Variants in CENPW observed in about 807,000 individuals in gnomAD.
CENPW encodes cancer-up-regulated gene 2 protein.
CENPW carries 3 observed loss-of-function variants against 11.1 expected under a neutral mutation model. That is an observed-to-expected ratio of 0.27 (90% confidence interval 0.12 to 0.70). The LOEUF (loss-of-function observed/expected upper bound fraction) is 0.70, where lower values mean the gene tolerates loss of function less well. Among genes scored for constraint, CENPW ranks in the 30% least tolerant of loss-of-function variants. CENPW has a pLI of 0.77. For synonymous variants in CENPW, 38 were observed against 42.0 expected (o/e 0.91, Z 0.37); for missense variants, 100 against 105.6 (o/e 0.95, Z 0.23).
chr6:126,449,912 G>A, the CENPW span, among the ~76,000 whole-genome samples: 4 of 150,998 alleles, frequency 2.6e-5, no homozygotes, highest in Admixed American at 6.6e-5. Flanking sequence ...AAAAATGATT[G>A]AATATTAACA....
the CENPW span, among the ~76,000 whole-genome samples, chr6:126,356,549 C>T: frequency 6.6e-6 from 1 of 152,144 alleles, no homozygotes; most frequent in Non-Finnish European, 1.5e-5. Flanking sequence ...AATTTACATT[C>T]CCATCAATTG....
the CENPW span, among the ~76,000 whole-genome samples, chr6:126,440,000 T>C: frequency 0.016 from 2,368 of 151,786 alleles, 28 homozygotes; most frequent in Middle Eastern, 0.041. Flanking sequence ...CAAACAGAAT[T>C]ATGAAATGTC....
At chr6:126,452,857 CAAAG>C in the CENPW span, among the ~76,000 whole-genome samples, 62 of 150,942 alleles carry the variant, frequency 4.1e-4, no homozygotes, top group African/African-American at 1.5e-3. Context: ...AAGCTAAAGA[CAAAG>C]AAAAATTATT....
chr6:126,437,793 G>A, the CENPW span, among the ~76,000 whole-genome samples: 1 of 151,598 alleles, frequency 6.6e-6, no homozygotes, highest in Non-Finnish European at 1.5e-5. Context: ...ACATTTTCTA[G>A]TGTTGAGTGT....
chr6:126,403,422 T>A, the CENPW span, among the ~76,000 whole-genome samples: 1 of 152,040 alleles, frequency 6.6e-6, no homozygotes, highest in African/African-American at 2.4e-5. Context: ...AATTAAAAAG[T>A]GCAAGGAAGC....
chr6:126,372,452 G>A, the CENPW span, among the ~76,000 whole-genome samples: 2 of 151,920 alleles, frequency 1.3e-5, no homozygotes, highest in Admixed American at 6.6e-5. Flanking sequence ...AATAATACTT[G>A]CGATCTCAGT....
chr6:126,358,740 G>T, the CENPW span, among the ~76,000 whole-genome samples: 1 of 151,994 alleles, frequency 6.6e-6, no homozygotes, highest in Non-Finnish European at 1.5e-5. Flanking sequence ...TTAGGGAGAA[G>T]CCCCTTCTCC....
the CENPW span, among the ~76,000 whole-genome samples, chr6:126,371,331 G>T: frequency 7.6e-3 from 1,156 of 151,980 alleles, 15 homozygotes; most frequent in African/African-American, 0.026. Flanking sequence ...TTTTTTCTGC[G>T]TCTATTGATA....
At chr6:126,482,214 T>C in the CENPW span, among the ~76,000 whole-genome samples, 1 of 152,038 alleles carries the variant, frequency 6.6e-6, no homozygotes. Flanking sequence ...ATTTTCCCAG[T>C]GCAACATTTC....
the CENPW span, among the ~76,000 whole-genome samples, chr6:126,462,558 A>ACACACACG: frequency 6.0e-5 from 9 of 149,368 alleles, no homozygotes; most frequent in African/African-American, 2.2e-4. Context: ...ACACACACAC[A>ACACACACG]CGCATCTTCT....
At chr6:126,352,205 C>T (rs1277822675), downstream of CENPW, among the ~76,000 whole-genome samples, 8 of 152,132 alleles carry the variant, frequency 5.3e-5, no homozygotes, top group African/African-American at 1.9e-4. Flanking sequence ...TTTCTTACTA[C>T]AACTTAGGGT....
chr6:126,341,345 AG>A (rs1449046449), intron 1 of CENPW, among the ~76,000 whole-genome samples: 33 of 152,278 alleles, frequency 2.2e-4, no homozygotes, highest in African/African-American at 7.5e-4. Context: ...GGATAATAAG[AG>A]CATACTGCAT....
chr6:126,435,432 C>A, the CENPW span, among the ~76,000 whole-genome samples: 1 of 151,478 alleles, frequency 6.6e-6, no homozygotes, highest in Non-Finnish European at 1.5e-5. Context: ...ATTGATATAT[C>A]TTTTGTTTTT....
chr6:126,451,382 G>C, the CENPW span, among the ~76,000 whole-genome samples: 2 of 151,012 alleles, frequency 1.3e-5, no homozygotes, highest in East Asian at 3.9e-4. Context: ...TTCTCCCATT[G>C]GTGTTCTCTG....
intron 1 of CENPW, among the ~76,000 whole-genome samples, chr6:126,341,121 C>T (rs891971899): frequency 2.6e-5 from 4 of 152,100 alleles, no homozygotes; most frequent in Non-Finnish European, 5.9e-5. Context: ...ATAAGAAGCC[C>T]CAATCAAACC....
the CENPW span, among the ~76,000 whole-genome samples, chr6:126,354,205 T>C: frequency 6.6e-6 from 1 of 152,134 alleles, no homozygotes. Context: ...ACTATGCAGA[T>C]AGATGGCTAA....
At chr6:126,430,332 C>T in the CENPW span, among the ~76,000 whole-genome samples, 1 of 152,162 alleles carries the variant, frequency 6.6e-6, no homozygotes, top group South Asian at 2.1e-4. Context: ...AGCCAGTGCT[C>T]AACATAGAAA....
chr6:126,354,047 C>T, the CENPW span, among the ~76,000 whole-genome samples: 45 of 151,596 alleles, frequency 3.0e-4, no homozygotes, highest in African/African-American at 1.0e-3. Context: ...CAACTAATTC[C>T]AATATTTGGA....
chr6:126,468,239 GGAGAAACCCCATCTC>G, the CENPW span, among the ~76,000 whole-genome samples: 43 of 151,946 alleles, frequency 2.8e-4, no homozygotes, highest in South Asian at 8.8e-3. Flanking sequence ...TGACCAACAT[GGAGAAACCCCATCTC>G]TACTAAAAAT....
Sources: allele counts gnomAD v4.1 joint callset (sites outside exome capture counted in the v4.1 genomes callset), GRCh38; gene constraint gnomAD v4.1.1; transcripts MANE v1.5; gene names NCBI Gene and HGNC (gene_info 2026-07-23, HGNC 2026-07-21).